Variants in TP73 observed in about 807,000 individuals in gnomAD.
TP73 encodes p53-like transcription factor.
In TP73, 25 loss-of-function variants were observed where a neutral mutation model predicts 62.5. The observed-to-expected ratio is 0.40, with a 90% CI of 0.29 to 0.56. TP73 has a LOEUF of 0.56. Ranked by LOEUF, TP73 falls within the 20% of genes least tolerant of loss-of-function variation. The pLI is 0.46. For synonymous variants in TP73, 423 were observed against 377.5 expected, an observed-to-expected ratio of 1.12 and a Z score of -1.40; for missense variants, 754 against 913.3, an observed-to-expected ratio of 0.83 and a Z score of 2.25.
At chr1:3,723,054 C>G (rs1641222437) in intron 5 of TP73, among the ~76,000 whole-genome samples, 1 of 145,630 alleles carries the variant, frequency 6.9e-6, no homozygotes, top group African/African-American at 2.6e-5. Context: ...TGGCATGCAG[C>G]TGGGCACCTC....
At chr1:3,709,921 C>T (rs899097145) in intron 4 of TP73, among the ~76,000 whole-genome samples, 11 of 152,196 alleles carry the variant, frequency 7.2e-5, no homozygotes, top group African/African-American at 2.4e-4. Flanking sequence ...ACAGGAGCAA[C>T]CCCCTCTCTG....
At position 3,662,481 on chromosome 1, in the gene TP73, G is replaced by A. The variant is rs1645017940; in HGVS notation, c.-34+9840G>A. Reference sequence around the variant, plus strand: ...CAGGGGAGTTGACTGGTGAATGAAGGTGGTTTCGTCACGCGGACATGCGTC... The same window carrying A: ...CAGGGGAGTTGACTGGTGAATGAAGATGGTTTCGTCACGCGGACATGCGTC... On this transcript the variant is annotated intron_variant, in intron 1 of 13. Coordinates refer to ENST00000378295, the MANE Select transcript of TP73 (RefSeq NM_005427.4). This position sits in a 1 kb window ranked among gnomAD's most constrained non-coding sequence, Gnocchi z 4.4. 6.6e-6 allele frequency among the ~76,000 whole-genome samples: 1 copy of A among 152,202 alleles called. No homozygotes were observed. Among genetic ancestry groups the A allele is most frequent in the African/African-American group, 2.4e-5 (1 of 41,448 alleles).
intron 1 of TP73, among the ~76,000 whole-genome samples, chr1:3,654,423 A>G (rs1644823313): frequency 6.6e-6 from 1 of 152,242 alleles, no homozygotes; most frequent in Admixed American, 6.5e-5. Flanking sequence ...GGTCTGGCAC[A>G]GTGGTTAATG....
chr1:3,684,285 G>GC (rs1645596318), intron 3 of TP73, among the ~76,000 whole-genome samples: 1 of 152,264 alleles, frequency 6.6e-6, no homozygotes, highest in African/African-American at 2.4e-5. Context: ...CGGAAAACCA[G>GC]CCCGAACTGT....
chr1:3,683,264 C>T (rs1645568109), intron 3 of TP73, 84 bp downstream of exon 3: 1 of 1,484,692 alleles, frequency 6.7e-7, no homozygotes, highest in Non-Finnish European at 9.1e-7. Flanking sequence ...CCTGGCAGAA[C>T]CAGGAGATAG....
intron 3 of TP73, among the ~76,000 whole-genome samples, chr1:3,686,521 G>A (rs1263613759): frequency 4.6e-5 from 7 of 152,158 alleles, no homozygotes; most frequent in South Asian, 2.1e-4. Context: ...GTGGGCCTCG[G>A]ACAACCCTCC....
chr1:3,691,432 G>GAT (rs1645826200), intron 3 of TP73, among the ~76,000 whole-genome samples: 1 of 152,092 alleles, frequency 6.6e-6, no homozygotes, highest in South Asian at 2.1e-4. Context: ...AGTGGCAGAC[G>GAT]GTGCTTCTTG....
intron 4 of TP73, among the ~76,000 whole-genome samples, chr1:3,718,326 A>C (rs1186184168): frequency 6.6e-6 from 1 of 152,138 alleles, no homozygotes; most frequent in African/African-American, 2.4e-5. Context: ...TGGGCCCTGC[A>C]CCCACTTCGT....
Position 3,730,108 on chromosome 1 carries a change from C to T in TP73, c.1305C>T (p.Pro435=). ...TCAACCAGCTGGTGGGCCAGCCTCC[C>T]CCGCACAGTTCGGCAGCTACACCCA... The part of the protein sequence containing the change: ...PSVNQLVGQP[P]PHSSAATPNL... Residue 435 remains proline (P), a synonymous_variant, in exon 11 of 14, where the codon CCC becomes CCT. Transcript: ENST00000378295. The T allele has an allele frequency of 6.3e-7, 1 of 1,581,274 alleles. No homozygotes were observed. The highest frequency in any genetic ancestry group is 8.6e-7 in the Non-Finnish European group (1 of 1,164,086).
chr1:3,676,600 G>T (rs1645376466), intron 1 of TP73, among the ~76,000 whole-genome samples: 1 of 151,952 alleles, frequency 6.6e-6, no homozygotes, highest in African/African-American at 2.4e-5. Context: ...CTCACCGGCT[G>T]CGGACTCCTC....
intron 9 of TP73, among the ~76,000 whole-genome samples, chr1:3,728,862 A>G (rs1345767256): frequency 6.6e-6 from 1 of 152,150 alleles, no homozygotes; most frequent in Admixed American, 6.5e-5. Context: ...CCAGCTACTC[A>G]GAAGACTGAG....
intron 1 of TP73, among the ~76,000 whole-genome samples, chr1:3,653,259 C>T (rs1644796918): frequency 6.6e-6 from 1 of 152,240 alleles, no homozygotes; most frequent in African/African-American, 2.4e-5. Flanking sequence ...GGGCTCCTGG[C>T]CTGTCTCCGG....
At chr1:3,687,775 G>A (rs571031760) in intron 3 of TP73, among the ~76,000 whole-genome samples, 1 of 152,214 alleles carries the variant, frequency 6.6e-6, no homozygotes, top group African/African-American at 2.4e-5. Context: ...GCCTCTCCTG[G>A]CGCCTTTCTC....
At chr1:3,695,207 C>G (rs1452689246) in intron 3 of TP73, among the ~76,000 whole-genome samples, 2 of 152,228 alleles carry the variant, frequency 1.3e-5, no homozygotes, top group Non-Finnish European at 1.5e-5. Flanking sequence ...TGGGGCCCCT[C>G]TAGAAGAGGC....
intron 4 of TP73, among the ~76,000 whole-genome samples, chr1:3,711,285 C>G (rs1009577072): frequency 1.3e-5 from 2 of 152,228 alleles, no homozygotes; most frequent in Non-Finnish European, 2.9e-5. Context: ...AGTTCAACAC[C>G]CTCTGTGGGA....
chr1:3,729,804 C>T, intron 10 of TP73, 196 bp from the exon 11 acceptor site: 1 of 855,742 alleles, frequency 1.2e-6, no homozygotes, highest in Non-Finnish European at 1.8e-6. Context: ...CCGCCATGGC[C>T]AGTGTCCTTC....
intron 1 of TP73, among the ~76,000 whole-genome samples, chr1:3,655,518 G>A (rs976505284): frequency 1.3e-5 from 2 of 152,196 alleles, no homozygotes; most frequent in African/African-American, 4.8e-5. Flanking sequence ...ATTTCCTCGT[G>A]ATTTTGCTTT....
At position 3,701,141 on chromosome 1, in the gene TP73, G is replaced by A. The variant is rs150421796; in HGVS notation, c.187-6408G>A. Among the ~76,000 whole-genome samples the A allele has an allele frequency of 4.9e-3, 747 of 152,300 alleles. 13 individuals carry two copies. The highest frequency in any genetic ancestry group is 0.017 in the African/African-American group (700 of 41,564). ...TTCATCCAACCAAGAGTTTCTGAGCGTCCTGTCGGTACTGGCTATCTGGAC... is the reference window on the plus strand; with the variant it reads ...TTCATCCAACCAAGAGTTTCTGAGCATCCTGTCGGTACTGGCTATCTGGAC... On this transcript the variant is annotated intron_variant, in intron 3 of 13. Coordinates refer to ENST00000378295, the MANE Select transcript of TP73 (RefSeq NM_005427.4). This position sits in a 1 kb window ranked among gnomAD's most constrained non-coding sequence, Gnocchi z 4.7.
chr1:3,691,504 T>C (rs377125977), intron 3 of TP73, among the ~76,000 whole-genome samples: 2 of 152,080 alleles, frequency 1.3e-5, no homozygotes, highest in African/African-American at 2.4e-5. Context: ...TGTGGCAAAC[T>C]GGGCTTGAGG....
Sources: gnomAD v4.1 joint callset for allele counts (sites outside exome capture counted in the v4.1 genomes callset) on GRCh38, gnomAD v4.1.1 for gene constraint, Gnocchi (gnomAD v3.1) non-coding constraint, MANE v1.5 for transcripts, NCBI Gene and HGNC (gene_info 2026-07-23, HGNC 2026-07-21) for gene names.